The following DPP10 variants were observed in gnomAD, a reference collection of about 807,000 sequenced individuals.
DPP10 encodes dipeptidyl peptidase like 10, also known as inactive dipeptidyl peptidase 10.
Under a neutral mutation model 120.9 loss-of-function variants are expected in DPP10, and 33 were observed. The observed-to-expected ratio is 0.27, with a 90% CI of 0.21 to 0.37. DPP10 has a LOEUF of 0.37. DPP10 is among the 10% of genes least tolerant of loss of function. The pLI is 1.00. For missense variants in DPP10, 816 were observed against 942.8 expected, an observed-to-expected ratio of 0.87 and a Z score of 1.76; for synonymous variants, 337 against 326.1, an observed-to-expected ratio of 1.03 and a Z score of -0.36.
At chr2:115,317,087 C>G (rs1010579246) in intron 2 of DPP10, among the ~76,000 whole-genome samples, 1 of 147,740 alleles carries the variant, frequency 6.8e-6, no homozygotes, top group Non-Finnish European at 1.5e-5. Flanking sequence ...GAGCATGACT[C>G]TGTCCAAAAC....
intron 2 of DPP10, among the ~76,000 whole-genome samples, chr2:115,323,382 A>G (rs977476552): frequency 2.6e-5 from 4 of 152,118 alleles, no homozygotes; most frequent in East Asian, 3.9e-4. Flanking sequence ...TGCTGCCCCT[A>G]CCACATCTGC....
intron 5 of DPP10, among the ~76,000 whole-genome samples, chr2:115,584,948 A>G (rs2082202341): frequency 6.6e-6 from 1 of 152,236 alleles, no homozygotes; most frequent in African/African-American, 2.4e-5. Context: ...TGCAATTTAC[A>G]CTATGGGATC....
intron 1 of DPP10, among the ~76,000 whole-genome samples, chr2:114,911,613 G>T (rs183540236): frequency 3.0e-4 from 46 of 152,304 alleles, no homozygotes; most frequent in African/African-American, 1.1e-3. Flanking sequence ...TGGGGCAAAG[G>T]ATGAGAAGAA....
At chr2:114,642,751 G>A (rs1263384466) in intron 1 of DPP10, among the ~76,000 whole-genome samples, 1 of 151,788 alleles carries the variant, frequency 6.6e-6, no homozygotes, top group Admixed American at 6.5e-5. Context: ...CTTTCAGAGT[G>A]TTTCTTAACA....
At chr2:115,255,427 A>C (rs2058941129) in intron 1 of DPP10, among the ~76,000 whole-genome samples, 1 of 152,230 alleles carries the variant, frequency 6.6e-6, no homozygotes, top group Non-Finnish European at 1.5e-5. Context: ...GCTGCCACAG[A>C]GGTCTCTGAC....
chr2:114,503,837 C>A (rs553630886), intron 1 of DPP10, among the ~76,000 whole-genome samples: 60 of 152,290 alleles, frequency 3.9e-4, no homozygotes, highest in African/African-American at 1.2e-3. Context: ...AAAAATAAGA[C>A]ACTAGAAAGG....
At chr2:114,858,978 G>C (rs545154839) in intron 1 of DPP10, among the ~76,000 whole-genome samples, 6 of 152,144 alleles carry the variant, frequency 3.9e-5, no homozygotes, top group Middle Eastern at 3.4e-3. Context: ...ATCTCAATAG[G>C]AGTAGCATCT....
intron 1 of DPP10, among the ~76,000 whole-genome samples, chr2:114,452,562 TC>T (rs1678349031): frequency 6.6e-6 from 1 of 152,150 alleles, no homozygotes; most frequent in East Asian, 1.9e-4. Context: ...GTCCATTCGC[TC>T]CTTTAAACAG....
At position 114,504,911 on chromosome 2, in the gene DPP10, G is replaced by C. The variant is rs551212615; in HGVS notation, c.60+62073G>C. 2.6e-5 allele frequency among the ~76,000 whole-genome samples: 4 copies of C among 151,922 alleles called. No homozygotes were observed. The East Asian group carries it at 5.8e-4, about 22-fold the overall frequency. On this transcript the variant is annotated intron_variant, in intron 1 of 25. Coordinates refer to ENST00000410059, the MANE Select transcript of DPP10 (RefSeq NM_020868.6). The stretch of plus-strand genomic sequence containing the variant: ...TACTAAAAATATAAAAATTAGCCGG[G>C]CATGGTGGCGGGTGCCTATAGTCCC...
chr2:114,867,316 C>T (rs968808163), intron 1 of DPP10, among the ~76,000 whole-genome samples: 7 of 152,074 alleles, frequency 4.6e-5, no homozygotes, highest in Admixed American at 3.3e-4. Context: ...TTTTTAATTA[C>T]CCTTTCTGGA....
At chr2:114,482,134 T>C (rs1681113089) in intron 1 of DPP10, among the ~76,000 whole-genome samples, 1 of 152,052 alleles carries the variant, frequency 6.6e-6, no homozygotes, top group African/African-American at 2.4e-5. Context: ...AGATTACAAT[T>C]TGGGATGATA....
chr2:114,450,834 T>C (rs1047449952), intron 1 of DPP10, among the ~76,000 whole-genome samples: 2 of 152,070 alleles, frequency 1.3e-5, no homozygotes, highest in African/African-American at 2.4e-5. Flanking sequence ...CTTGCATTAG[T>C]ATAGCAGACA....
chr2:114,528,601 C>T (rs1238638593), intron 1 of DPP10, among the ~76,000 whole-genome samples: 1 of 151,552 alleles, frequency 6.6e-6, no homozygotes, highest in Non-Finnish European at 1.5e-5. Context: ...ACCTGAGGAA[C>T]TCACTGTAGC....
intron 1 of DPP10, among the ~76,000 whole-genome samples, chr2:114,561,405 A>C (rs962711707): frequency 3.3e-5 from 5 of 152,072 alleles, no homozygotes; most frequent in African/African-American, 4.8e-5. Context: ...CACATACCAC[A>C]TACATCTGCA....
intron 1 of DPP10, among the ~76,000 whole-genome samples, chr2:115,183,812 A>G (rs1016362267): frequency 6.6e-6 from 1 of 152,162 alleles, no homozygotes; most frequent in Non-Finnish European, 1.5e-5. Flanking sequence ...AAAGAGCTCT[A>G]AAAGCTAGAT....
intron 7 of DPP10, among the ~76,000 whole-genome samples, chr2:115,695,254 G>A (rs2091522793): frequency 6.6e-6 from 1 of 152,156 alleles, no homozygotes; most frequent in African/African-American, 2.4e-5. Flanking sequence ...TCAGCATAAA[G>A]ACAGCCTCCA....
intron 1 of DPP10, among the ~76,000 whole-genome samples, chr2:114,725,399 T>C (rs1701980661): frequency 6.6e-6 from 1 of 152,234 alleles, no homozygotes; most frequent in Non-Finnish European, 1.5e-5. Context: ...TGTCTTCTGC[T>C]CAAATCAGTA....
intron 2 of DPP10, among the ~76,000 whole-genome samples, chr2:115,310,485 A>C (rs1270059436): frequency 6.6e-6 from 1 of 152,154 alleles, no homozygotes; most frequent in Non-Finnish European, 1.5e-5. Context: ...CCAAAAATGC[A>C]GTTTTTAGAT....
At chr2:115,151,640 C>T (rs1005123923) in intron 1 of DPP10, among the ~76,000 whole-genome samples, 9 of 151,736 alleles carry the variant, frequency 5.9e-5, no homozygotes, top group African/African-American at 2.2e-4. Context: ...AACTTCTGAC[C>T]TCGTGATCCA....
Sources: gnomAD v4.1 joint callset for allele counts (sites outside exome capture counted in the v4.1 genomes callset) on GRCh38, gnomAD v4.1.1 for gene constraint, MANE v1.5 for transcripts, NCBI Gene and HGNC (gene_info 2026-07-23, HGNC 2026-07-21) for gene names.